The following PDE4D variants were observed in gnomAD, a reference collection of about 807,000 sequenced individuals.
PDE4D encodes the protein 3',5'-cyclic-AMP phosphodiesterase 4D.
A neutral mutation model predicts 87.4 loss-of-function variants in PDE4D; 24 were observed. That is an observed-to-expected ratio of 0.27 (90% CI 0.20 to 0.39). PDE4D has a LOEUF of 0.39. PDE4D is among the 10% of genes least tolerant of loss of function. The pLI, the probability that PDE4D is intolerant of heterozygous loss-of-function variation, is 1.00. For missense variants in PDE4D, 714 were observed against 1,041.0 expected (o/e 0.69, Z 4.32); for synonymous variants, 384 against 383.2 (o/e 1.00, Z -0.02).
chr5:59,933,768 G>GGA (rs1424561036), intron 3 of PDE4D, among the ~76,000 whole-genome samples: 3 of 42,380 alleles, frequency 7.1e-5, no homozygotes, highest in South Asian at 1.0e-3. Context: ...AGATGTAAAA[G>GGA]GAGATATATA....
At chr5:60,434,502 C>G (rs896822573) in intron 1 of PDE4D, among the ~76,000 whole-genome samples, 1 of 151,640 alleles carries the variant, frequency 6.6e-6, no homozygotes, top group Non-Finnish European at 1.5e-5. Flanking sequence ...ATAGATTACT[C>G]TAATTTTAAA....
chr5:60,104,249 C>T (rs1034017878), intron 2 of PDE4D, among the ~76,000 whole-genome samples: 7 of 152,218 alleles, frequency 4.6e-5, no homozygotes, highest in Admixed American at 2.6e-4. Flanking sequence ...CACAGAGTCT[C>T]GCTGATTGCT....
intron 1 of PDE4D, among the ~76,000 whole-genome samples, chr5:59,480,180 A>G (rs1247365591): frequency 6.6e-6 from 1 of 151,848 alleles, no homozygotes; most frequent in South Asian, 2.1e-4. Flanking sequence ...GTTCATGAAT[A>G]TTATAGTACT....
At chr5:60,146,962 GATA>G (rs1781051449) in intron 2 of PDE4D, among the ~76,000 whole-genome samples, 1 of 152,090 alleles carries the variant, frequency 6.6e-6, no homozygotes, top group Non-Finnish European at 1.5e-5. Flanking sequence ...AAGAAAAAAA[GATA>G]ATAAATATTG....
intron 2 of PDE4D, among the ~76,000 whole-genome samples, chr5:59,201,355 C>A (rs1003166318): frequency 1.4e-4 from 21 of 152,028 alleles, no homozygotes; most frequent in African/African-American, 5.1e-4. Context: ...AACAAAAATT[C>A]TGTAAAATGT....
chr5:59,998,274 A>G (rs1212959847), intron 2 of PDE4D, among the ~76,000 whole-genome samples: 2 of 151,700 alleles, frequency 1.3e-5, no homozygotes, highest in East Asian at 3.8e-4. Context: ...GCATAAAACT[A>G]TAAGAAAAGT....
At chr5:60,359,832 A>C in intron 1 of PDE4D, among the ~76,000 whole-genome samples, 1 of 152,130 alleles carries the variant, frequency 6.6e-6, no homozygotes, top group African/African-American at 2.4e-5. Flanking sequence ...TTTCTTATCC[A>C]TCTACCCCCA....
chr5:59,809,117 CG>C (rs1768059940), intron 1 of PDE4D, among the ~76,000 whole-genome samples: 1 of 152,016 alleles, frequency 6.6e-6, no homozygotes, highest in African/African-American at 2.4e-5. Flanking sequence ...ATTTAAGTAC[CG>C]TGCCTTAGTT....
At chr5:59,401,711 A>G (rs568506321) in intron 1 of PDE4D, among the ~76,000 whole-genome samples, 2 of 152,304 alleles carry the variant, frequency 1.3e-5, no homozygotes, top group African/African-American at 4.8e-5. Flanking sequence ...TCTTGCAGCA[A>G]TTGGTTTTCT....
At chr5:60,052,213 C>T (rs1316223781) in intron 2 of PDE4D, among the ~76,000 whole-genome samples, 1 of 148,322 alleles carries the variant, frequency 6.7e-6, no homozygotes, top group African/African-American at 2.6e-5. Flanking sequence ...ATCCTGAAGC[C>T]AAAGCCTGGC....
intron 1 of PDE4D, among the ~76,000 whole-genome samples, chr5:60,214,735 A>C (rs888223255): frequency 6.6e-6 from 1 of 152,142 alleles, no homozygotes; most frequent in African/African-American, 2.4e-5. Context: ...ATTGATTCTT[A>C]ATACTTACTT....
intron 1 of PDE4D, among the ~76,000 whole-genome samples, chr5:60,356,383 T>C (rs1162665467): frequency 6.6e-6 from 1 of 152,236 alleles, no homozygotes. Flanking sequence ...CCATTTGCCT[T>C]ACTCCTCACG....
chr5:59,346,598 C>A (rs1047385257), intron 1 of PDE4D, among the ~76,000 whole-genome samples: 26 of 152,006 alleles, frequency 1.7e-4, no homozygotes, highest in African/African-American at 6.0e-4. Flanking sequence ...TCAGTTTACA[C>A]GGATTTGCTT....
At chr5:60,315,860 AC>A (rs1371418323) in intron 1 of PDE4D, among the ~76,000 whole-genome samples, 1 of 152,018 alleles carries the variant, frequency 6.6e-6, no homozygotes, top group African/African-American at 2.4e-5. Context: ...CTGTTTTGGT[AC>A]CAGTACCATG....
At chr5:59,238,253 A>G (rs1200099922) in intron 1 of PDE4D, among the ~76,000 whole-genome samples, 1 of 152,174 alleles carries the variant, frequency 6.6e-6, no homozygotes, top group Admixed American at 6.6e-5. Flanking sequence ...CACAAAACTA[A>G]TAATAGGCAT....
chr5:59,013,420 G>A (rs953983983), intron 6 of PDE4D, among the ~76,000 whole-genome samples: 4 of 151,952 alleles, frequency 2.6e-5, no homozygotes, highest in African/African-American at 9.7e-5. Flanking sequence ...TAATAAAGAA[G>A]AAATGAGAGA....
chr5:59,080,840 T>C (rs1201348315), intron 5 of PDE4D, among the ~76,000 whole-genome samples: 1 of 152,196 alleles, frequency 6.6e-6, no homozygotes, highest in Non-Finnish European at 1.5e-5. Context: ...TAATTAAAGA[T>C]CTGAACTATT....
rs191038135 is a variant in PDE4D at position 60,259,326 on chromosome 5, G to A, written c.-89-73639C>T. Among the ~76,000 whole-genome samples the A allele has an allele frequency of 2.3e-3, 344 of 152,144 alleles. 3 individuals are homozygous for A. The highest frequency in any genetic ancestry group is 7.9e-3 in the African/African-American group (329 of 41,552). Reference sequence around the variant, plus strand: ...CACAGTGGCATTGTACAAGGTGAACGATGAAGAAAATGTCGTGGCATTTTG... The same window carrying A: ...CACAGTGGCATTGTACAAGGTGAACAATGAAGAAAATGTCGTGGCATTTTG... On this transcript the variant is annotated intron_variant, in intron 1 of 16. Coordinates refer to the PDE4D transcript ENST00000502484.
intron 6 of PDE4D, among the ~76,000 whole-genome samples, chr5:58,997,838 G>A (rs1042759088): frequency 6.6e-6 from 1 of 152,016 alleles, no homozygotes; most frequent in Admixed American, 6.6e-5. Context: ...TTTACATTAG[G>A]CATTTAAGAT....
Sources: gnomAD v4.1 joint callset for allele counts (sites outside exome capture counted in the v4.1 genomes callset) on GRCh38, gnomAD v4.1.1 for gene constraint, MANE v1.5 for transcripts, NCBI Gene and HGNC (gene_info 2026-07-23, HGNC 2026-07-21) for gene names.